NCOA2: variants seen among roughly 807,000 people sequenced by gnomAD.
NCOA2 encodes nuclear receptor coactivator 2.
NCOA2 carries 21 observed loss-of-function variants against 145.1 expected under a neutral mutation model. The observed-to-expected ratio is 0.14, with a 90% CI of 0.10 to 0.21. The LOEUF (loss-of-function observed/expected upper bound fraction) is 0.21. Ranked by LOEUF, NCOA2 falls within the 10% of genes least tolerant of loss-of-function variation. The pLI is 1.00. For synonymous variants in NCOA2, 619 were observed against 637.5 expected, an observed-to-expected ratio of 0.97 and a Z score of 0.44; for missense variants, 1,472 against 1,837.6, an observed-to-expected ratio of 0.80 and a Z score of 3.64.
chr8:70,323,171 C>T (rs2136189788), intron 1 of NCOA2, among the ~76,000 whole-genome samples: 1 of 152,316 alleles, frequency 6.6e-6, no homozygotes, highest in African/African-American at 2.4e-5. Flanking sequence ...ACTGAGTCCA[C>T]TGAGTACGCA....
intron 11 of NCOA2, among the ~76,000 whole-genome samples, chr8:70,149,813 G>GT (rs1247822946): frequency 6.6e-6 from 1 of 152,174 alleles, no homozygotes; most frequent in Non-Finnish European, 1.5e-5. Flanking sequence ...AGTGGAAAAC[G>GT]TAAGTTAGTT....
At chr8:70,169,039 C>T (rs114177750) in intron 6 of NCOA2, among the ~76,000 whole-genome samples, 1,708 of 152,282 alleles carry the variant, frequency 0.011, 38 homozygotes, top group African/African-American at 0.039. Flanking sequence ...ATAAGACCAG[C>T]TAGTATAAAC....
At chr8:70,387,484 CTTATT>C (rs956632101) in intron 1 of NCOA2, among the ~76,000 whole-genome samples, 1 of 152,218 alleles carries the variant, frequency 6.6e-6, no homozygotes, top group African/African-American at 2.4e-5. Flanking sequence ...TCTTTCCTCT[CTTATT>C]TTAAAGGAAA....
chr8:70,391,787 T>C (rs2131624554), intron 1 of NCOA2, among the ~76,000 whole-genome samples: 1 of 152,242 alleles, frequency 6.6e-6, no homozygotes, highest in Non-Finnish European at 1.5e-5. Context: ...CTTGATTAGA[T>C]CCTCGTTTGA....
At chr8:70,165,881 G>A (rs1416538413) in intron 7 of NCOA2, among the ~76,000 whole-genome samples, 4 of 152,108 alleles carry the variant, frequency 2.6e-5, no homozygotes, top group African/African-American at 9.7e-5. Flanking sequence ...GTGCAATGGC[G>A]TGATCTTGGC....
At chr8:70,302,506 A>G (rs990305298) in intron 1 of NCOA2, among the ~76,000 whole-genome samples, 1 of 152,208 alleles carries the variant, frequency 6.6e-6, no homozygotes, top group African/African-American at 2.4e-5. Flanking sequence ...AGTCCTCTGT[A>G]AGGTCAACAG....
intron 4 of NCOA2, among the ~76,000 whole-genome samples, chr8:70,187,256 C>T (rs1009558031): frequency 6.6e-6 from 1 of 152,186 alleles, no homozygotes; most frequent in East Asian, 1.9e-4. Flanking sequence ...CAAAGGCCAA[C>T]CAACATTTAC....
At chr8:70,181,857 C>T (rs984285559) in intron 4 of NCOA2, among the ~76,000 whole-genome samples, 4 of 152,200 alleles carry the variant, frequency 2.6e-5, no homozygotes, top group Non-Finnish European at 4.4e-5. Flanking sequence ...TCAAACCCAG[C>T]AGCAGTGAGA....
At chr8:70,341,833 T>C (rs1563783994) in intron 1 of NCOA2, among the ~76,000 whole-genome samples, 1 of 152,244 alleles carries the variant, frequency 6.6e-6, no homozygotes, top group Non-Finnish European at 1.5e-5. Flanking sequence ...TTTCCAATGC[T>C]CAAATGCATT....
intron 1 of NCOA2, among the ~76,000 whole-genome samples, chr8:70,376,798 C>T (rs1479149581): frequency 6.6e-6 from 1 of 152,118 alleles, no homozygotes; most frequent in Non-Finnish European, 1.5e-5. Flanking sequence ...ATTACTATTT[C>T]CTGTCAAAAT....
At chr8:70,145,717 T>G (rs1810984204) in intron 12 of NCOA2, among the ~76,000 whole-genome samples, 2 of 151,964 alleles carry the variant, frequency 1.3e-5, no homozygotes, top group African/African-American at 4.8e-5. Flanking sequence ...CTCCTGGGCT[T>G]AAGAAAAGGT....
At chr8:70,258,729 C>T (rs772028521) in intron 2 of NCOA2, among the ~76,000 whole-genome samples, 5 of 152,150 alleles carry the variant, frequency 3.3e-5, no homozygotes, top group Non-Finnish European at 7.3e-5. Context: ...TCAATCTATC[C>T]TATAATTAGC....
intron 11 of NCOA2, among the ~76,000 whole-genome samples, chr8:70,153,495 T>C (rs78363555): frequency 6.6e-6 from 1 of 152,200 alleles, no homozygotes; most frequent in African/African-American, 2.4e-5. Context: ...AGTGGCCCCT[T>C]TCCTTGACCC....
chr8:70,124,996 G>T (rs1808260515), intron 19 of NCOA2, 131 bp from the exon 20 acceptor site: 1 of 599,832 alleles, frequency 1.7e-6, no homozygotes, highest in South Asian at 3.9e-5. Context: ...ATTGTGTACT[G>T]ATTAATTACA....
At chr8:70,452,036 A>G in the NCOA2 span, among the ~76,000 whole-genome samples, 4 of 152,066 alleles carry the variant, frequency 2.6e-5, no homozygotes, top group African/African-American at 9.7e-5. Flanking sequence ...ATGCAGTGTC[A>G]CCATCACAGC....
chr8:70,386,568 T>C (rs1055006181), intron 1 of NCOA2, among the ~76,000 whole-genome samples: 3 of 152,170 alleles, frequency 2.0e-5, no homozygotes, highest in Admixed American at 1.3e-4. Flanking sequence ...CTACACACTG[T>C]ATATGAGAAG....
intron 1 of NCOA2, among the ~76,000 whole-genome samples, chr8:70,300,321 A>AT (rs1162447415): frequency 6.6e-6 from 1 of 152,210 alleles, no homozygotes; most frequent in African/African-American, 2.4e-5. Context: ...AATTTTTAAA[A>AT]TGCAAAAAAA....
chr8:70,151,366 C>T (rs1383607273), intron 11 of NCOA2, among the ~76,000 whole-genome samples: 1 of 151,934 alleles, frequency 6.6e-6, no homozygotes, highest in Non-Finnish European at 1.5e-5. Flanking sequence ...AGGCTCACTG[C>T]AACCTCCGCC....
intron 4 of NCOA2, among the ~76,000 whole-genome samples, chr8:70,206,581 T>G (rs1023192396): frequency 6.6e-6 from 1 of 152,212 alleles, no homozygotes; most frequent in Non-Finnish European, 1.5e-5. Flanking sequence ...ATCTCTAGAA[T>G]CTGGAGAGGA....
Sources: gnomAD v4.1 joint callset for allele counts (sites outside exome capture counted in the v4.1 genomes callset) on GRCh38, gnomAD v4.1.1 for gene constraint, MANE v1.5 for transcripts, NCBI Gene and HGNC (gene_info 2026-07-23, HGNC 2026-07-21) for gene names.